Variants in SP140 observed in about 807,000 individuals in gnomAD.
The protein encoded by SP140 is nuclear body protein SP140.
A neutral mutation model predicts 125.0 loss-of-function variants in SP140; 81 were observed. That is an observed-to-expected ratio of 0.65 (90% confidence interval 0.54 to 0.78). The LOEUF (loss-of-function observed/expected upper bound fraction) is 0.78, where lower values mean the gene tolerates loss of function less well. SP140 is among the 30% of genes least tolerant of loss of function. The pLI is 0.00. For missense variants in SP140, 858 were observed against 1,037.0 expected, an observed-to-expected ratio of 0.83 and a Z score of 2.37; for synonymous variants, 312 against 354.0, an observed-to-expected ratio of 0.88 and a Z score of 1.33.
chr2:230,220,872 G>A (rs1256008824), upstream of SP140, among the ~76,000 whole-genome samples: 2 of 152,126 alleles, frequency 1.3e-5, no homozygotes, highest in Non-Finnish European at 1.5e-5. Flanking sequence ...TTAACTGAGT[G>A]TGGTGGCATG....
At chr2:230,287,184 C>G (rs1168962899) in intron 17 of SP140, among the ~76,000 whole-genome samples, 1 of 152,074 alleles carries the variant, frequency 6.6e-6, no homozygotes, top group Non-Finnish European at 1.5e-5. Context: ...TCAATTCTAC[C>G]CATTCCTCAT....
chr2:230,204,343 G>A (rs146067542), intron 1 of SP140, among the ~76,000 whole-genome samples: 2 of 152,278 alleles, frequency 1.3e-5, no homozygotes, highest in Non-Finnish European at 2.9e-5. Context: ...ATAACGTGTA[G>A]AGCATTGTGA....
intron 1 of SP140, among the ~76,000 whole-genome samples, chr2:230,209,121 T>C (rs548009026): frequency 6.6e-6 from 1 of 152,296 alleles, no homozygotes; most frequent in South Asian, 2.1e-4. Flanking sequence ...GGTTGAATGA[T>C]AGCTATAAAA....
intron 1 of SP140, chr2:230,212,486 A>G (rs1158963754): frequency 9.4e-6 from 13 of 1,385,754 alleles, no homozygotes; most frequent in Non-Finnish European, 1.0e-6. Flanking sequence ...CAGGGAGAAG[A>G]GTGAATGTTA....
At chr2:230,265,735 C>T (rs992558641) in intron 12 of SP140, among the ~76,000 whole-genome samples, 2 of 151,308 alleles carry the variant, frequency 1.3e-5, no homozygotes, top group Non-Finnish European at 2.9e-5. Flanking sequence ...GGTGTGTGTT[C>T]GGGAGAGGAG....
intron 22 of SP140, among the ~76,000 whole-genome samples, chr2:230,305,205 T>C (rs1037245241): frequency 6.6e-6 from 1 of 152,222 alleles, no homozygotes; most frequent in African/African-American, 2.4e-5. Flanking sequence ...CGCAATGCGA[T>C]ACCACCTTAC....
At chr2:230,186,686 C>T in the SP140 span, among the ~76,000 whole-genome samples, 17 of 152,232 alleles carry the variant, frequency 1.1e-4, no homozygotes, top group African/African-American at 3.9e-4. Context: ...TCTCCATAAT[C>T]CGTTATATCA....
intron 15 of SP140, 62 bp from the exon 16 acceptor site, chr2:230,284,284 T>A (rs536931431): frequency 1.3e-3 from 1,916 of 1,474,570 alleles, no homozygotes; most frequent in Non-Finnish European, 1.7e-3. Context: ...TATTGGCATA[T>A]AAAACTCAGA....
At chr2:230,275,829 T>C (rs1175268704) in intron 15 of SP140, among the ~76,000 whole-genome samples, 1 of 152,124 alleles carries the variant, frequency 6.6e-6, no homozygotes, top group Non-Finnish European at 1.5e-5. Flanking sequence ...AATAAGAAAG[T>C]AGAACAGTCT....
At chr2:230,290,608 G>T in intron 19 of SP140, 44 bp downstream of exon 19, 1 of 1,457,454 alleles carries the variant, frequency 6.9e-7, no homozygotes, top group Non-Finnish European at 9.6e-7. Context: ...CTATCTGAAG[G>T]CATCACAAGT....
chr2:230,186,261 T>C, the SP140 span: 10 of 986,516 alleles, frequency 1.0e-5, no homozygotes, highest in African/African-American at 3.3e-5. Context: ...TGTGTGTATC[T>C]TTCTTCCCCC....
chr2:230,310,354 T>C (rs2059224450), intron 23 of SP140: 1 of 481,008 alleles, frequency 2.1e-6, no homozygotes, highest in Non-Finnish European at 3.8e-6. Flanking sequence ...CAGTTGTTTA[T>C]ATTTTGTGCT....
rs1444239314 is a variant in SP140, at chr2:230,287,929, G to C, written c.1683G>C (p.Gln561His). The C allele has an allele frequency of 1.2e-6, 2 of 1,612,552 alleles. No homozygotes were observed. The highest frequency in any genetic ancestry group is 8.5e-7 in the Non-Finnish European group (1 of 1,179,730). ...KRGKPGTRFT[Q>H]SDRAAQKRVR... Reference sequence around the variant, plus strand: ...GCAAACCTGGAACCCGCTTCACTCAGAGTGACAGAGCTGCACAGAAAAGAG... The same window carrying C: ...GCAAACCTGGAACCCGCTTCACTCACAGTGACAGAGCTGCACAGAAAAGAG... The change falls in exon 18 of 27, where the codon CAG (glutamine) becomes CAC (histidine). Residue 561 changes from glutamine to histidine, a missense_variant. By Grantham distance (24) the Gln-to-His change is conservative (BLOSUM62 0). Transcript: ENST00000392045.
intron 12 of SP140, among the ~76,000 whole-genome samples, chr2:230,260,497 TTGGTCA>T (rs1223559437): frequency 6.6e-6 from 1 of 152,236 alleles, no homozygotes; most frequent in Non-Finnish European, 1.5e-5. Context: ...TTTTGGGTTC[TTGGTCA>T]TGAAGGCCTT....
intron 15 of SP140, among the ~76,000 whole-genome samples, chr2:230,273,873 C>T (rs545844781): frequency 7.9e-5 from 12 of 152,132 alleles, no homozygotes; most frequent in Non-Finnish European, 1.6e-4. Flanking sequence ...CACATGTTCT[C>T]ACTTATAAGT....
chr2:230,191,130 C>G, the SP140 span, among the ~76,000 whole-genome samples: 2 of 152,054 alleles, frequency 1.3e-5, no homozygotes, highest in South Asian at 4.1e-4. Flanking sequence ...CTCTGGGACA[C>G]AGCTAAAGCA....
At chr2:230,248,155 A>G in intron 8 of SP140, 90 bp downstream of exon 8, 3 of 1,229,098 alleles carry the variant, frequency 2.4e-6, no homozygotes, top group South Asian at 1.4e-5. Context: ...GGTTTCTGAC[A>G]GTCTCTATCA....
chr2:230,260,801 G>A (rs976877379), intron 12 of SP140, among the ~76,000 whole-genome samples: 6 of 152,046 alleles, frequency 3.9e-5, no homozygotes, highest in African/African-American at 1.2e-4. Context: ...ATTGGTCTAC[G>A]TCTATTTTTG....
intron 26 of SP140, 104 bp from the exon 27 acceptor site, chr2:230,312,482 G>A (rs2059407780): frequency 1.4e-6 from 1 of 701,268 alleles, no homozygotes. Flanking sequence ...TAGACTTACA[G>A]TACTTTTTTT....
Sources: gnomAD v4.1 joint callset for allele counts (sites outside exome capture counted in the v4.1 genomes callset) on GRCh38, gnomAD v4.1.1 for gene constraint, MANE v1.5 for transcripts, NCBI Gene and HGNC (gene_info 2026-07-23, HGNC 2026-07-21) for gene names.